Variants in EMP2 observed in about 807,000 individuals in gnomAD.
EMP2 encodes the protein epithelial membrane protein 2.
EMP2 carries 19 observed loss-of-function variants against 13.7 expected under a neutral mutation model. The ratio of observed to expected loss-of-function variants is 1.38; its 90% CI spans 0.97 to 2.03. The LOEUF (loss-of-function observed/expected upper bound fraction) is 2.03, where lower values mean the gene tolerates loss of function less well. EMP2 is among the 30% of genes most tolerant of loss of function. The pLI is 0.00. For missense variants in EMP2, 253 were observed against 220.7 expected, an observed-to-expected ratio of 1.15 and a Z score of -0.93; for synonymous variants, 97 against 84.7, an observed-to-expected ratio of 1.15 and a Z score of -0.80.
chr16:10,538,113 G>A, intron 3 of EMP2, 39 bp from the exon 4 acceptor site: 1 of 1,607,058 alleles, frequency 6.2e-7, no homozygotes, highest in Non-Finnish European at 8.5e-7. Context: ...TGAGGACCTT[G>A]GCCAGCCGGC....
intron 1 of EMP2, among the ~76,000 whole-genome samples, chr16:10,554,037 T>TTC (rs201790364): frequency 0.069 from 10,187 of 148,316 alleles, 416 homozygotes; most frequent in African/African-American, 0.11. Context: ...CTTTCTTTCT[T>TTC]TTTTTTTTTT....
chr16:10,567,260 A>C (rs2050912516), intron 1 of EMP2, among the ~76,000 whole-genome samples: 1 of 152,204 alleles, frequency 6.6e-6, no homozygotes, highest in Admixed American at 6.5e-5. Flanking sequence ...GCAGATATTA[A>C]GTCATTATCA....
intron 1 of EMP2, among the ~76,000 whole-genome samples, chr16:10,568,537 C>G (rs1387371675): frequency 6.6e-6 from 1 of 152,172 alleles, no homozygotes; most frequent in Non-Finnish European, 1.5e-5. Flanking sequence ...TCCTGTCCCA[C>G]TAACACACCA....
intron 1 of EMP2, among the ~76,000 whole-genome samples, chr16:10,574,218 G>A (rs1338332521): frequency 3.3e-5 from 5 of 152,164 alleles, no homozygotes; most frequent in South Asian, 4.2e-4. Context: ...GATTAGAGGC[G>A]TGAGCTACTG....
intron 3 of EMP2, 104 bp downstream of exon 3, chr16:10,543,466 G>A (rs569590845): frequency 5.4e-6 from 7 of 1,302,806 alleles, no homozygotes; most frequent in African/African-American, 1.5e-5. Context: ...GGAGTATGCA[G>A]TGAGTGGAGG....
At chr16:10,540,543 T>TAAATAAATAAATAAA (rs2050687812) in intron 3 of EMP2, among the ~76,000 whole-genome samples, 1 of 151,876 alleles carries the variant, frequency 6.6e-6, no homozygotes, top group South Asian at 2.1e-4. Context: ...AATAAATAGA[T>TAAATAAATAAATAAA]TTCTCTAAGG....
chr16:10,532,758 C>CTTTTTCTTTTTTTTTTTTTTTTTTTTTT lies in EMP2; in HGVS notation c.*146_*147insAAAAAAAAAAAAAAAAAAAAAAGAAAAA, dbSNP rs1567199104. 11 of 182,528 alleles carry CTTTTTCTTTTTTTTTTTTTTTTTTTTTT rather than the reference C, an allele frequency of 6.0e-5. 2 individuals carry two copies. Among genetic ancestry groups the CTTTTTCTTTTTTTTTTTTTTTTTTTTTT allele is most frequent in the African/African-American group, 2.1e-4 (5 of 23,710 alleles). 11.3% of individuals were successfully genotyped at this position (182,528 alleles called of 1,614,324 possible). A position where few individuals can be genotyped will look rare whatever the true frequency, so the allele number is the denominator to read the frequency against. On this transcript the variant is annotated 3_prime_UTR_variant, in exon 5 of 5. Coordinates refer to ENST00000359543, the MANE Select transcript of EMP2 (RefSeq NM_001424.6). ...CTTTTGGATTTTTTTTTTCTTTTTT[C>CTTTTTCTTTTTTTTTTTTTTTTTTTTTT]TTTTTTTTTTTTTTTTTTTTTTTTT...
intron 4 of EMP2, among the ~76,000 whole-genome samples, chr16:10,533,901 G>A (rs2050627878): frequency 6.6e-6 from 1 of 152,026 alleles, no homozygotes; most frequent in African/African-American, 2.4e-5. Flanking sequence ...GTCACCTGAG[G>A]TCAGTAGTTC....
At chr16:10,578,942 C>G (rs1486099961) in intron 1 of EMP2, among the ~76,000 whole-genome samples, 1 of 152,268 alleles carries the variant, frequency 6.6e-6, no homozygotes, top group Non-Finnish European at 1.5e-5. Context: ...TCCCTGCAAA[C>G]CAGCAGGGCA....
intron 1 of EMP2, among the ~76,000 whole-genome samples, chr16:10,575,154 A>C (rs1208890931): frequency 6.7e-6 from 1 of 149,232 alleles, no homozygotes; most frequent in Non-Finnish European, 1.5e-5. Context: ...CCAACACTAC[A>C]GGCTTAAGGA....
chr16:10,560,940 A>G (rs1444908825), intron 1 of EMP2, among the ~76,000 whole-genome samples: 2 of 152,204 alleles, frequency 1.3e-5, no homozygotes, highest in Admixed American at 6.5e-5. Flanking sequence ...CCTGGAGGCC[A>G]AGGGGGCTGG....
At chr16:10,552,411 G>A (rs2050795192) in intron 1 of EMP2, among the ~76,000 whole-genome samples, 1 of 152,136 alleles carries the variant, frequency 6.6e-6, no homozygotes, top group Non-Finnish European at 1.5e-5. Context: ...CATGATTTTG[G>A]ACAGTGCATT....
At chr16:10,533,158 G>A (rs1405469452) in intron 4 of EMP2, 66 bp from the exon 5 acceptor site, 3 of 1,289,902 alleles carry the variant, frequency 2.3e-6, no homozygotes, top group African/African-American at 3.0e-5. Context: ...TAGCCCAGGG[G>A]CATACGGCCA....
intron 4 of EMP2, 137 bp downstream of exon 4, chr16:10,537,791 C>T: frequency 9.3e-7 from 1 of 1,077,630 alleles, no homozygotes; most frequent in Non-Finnish European, 1.4e-6. Flanking sequence ...CGCAAACACA[C>T]ACCGGCACAC....
chr16:10,568,979 G>A (rs1229543841), intron 1 of EMP2, among the ~76,000 whole-genome samples: 1 of 151,900 alleles, frequency 6.6e-6, no homozygotes, highest in Admixed American at 6.6e-5. Flanking sequence ...GTAGAGATGG[G>A]GTTTCGCCAT....
At chr16:10,542,994 C>T (rs979768572) in intron 3 of EMP2, among the ~76,000 whole-genome samples, 1 of 152,142 alleles carries the variant, frequency 6.6e-6, no homozygotes, top group African/African-American at 2.4e-5. Context: ...TACAGGCGTG[C>T]ACCACCACGC....
chr16:10,576,159 T>C (rs2050982915), intron 1 of EMP2, among the ~76,000 whole-genome samples: 1 of 152,120 alleles, frequency 6.6e-6, no homozygotes, highest in Non-Finnish European at 1.5e-5. Context: ...GTTTGTGTGC[T>C]ACTTACATTT....
chr16:10,567,547 A>T (rs879513176), intron 1 of EMP2, among the ~76,000 whole-genome samples: 6 of 152,180 alleles, frequency 3.9e-5, no homozygotes, highest in Admixed American at 6.5e-5. Context: ...TGAGCCAGGC[A>T]TTCGTTCCAC....
intron 1 of EMP2, among the ~76,000 whole-genome samples, chr16:10,550,352 A>G (rs778373415): frequency 8.5e-5 from 13 of 152,098 alleles, no homozygotes; most frequent in Non-Finnish European, 1.9e-4. Flanking sequence ...AAGCTGATAC[A>G]CTGCATTTTC....
Sources: gnomAD v4.1 joint callset for allele counts (sites outside exome capture counted in the v4.1 genomes callset) on GRCh38, gnomAD v4.1.1 for gene constraint, MANE v1.5 for transcripts, NCBI Gene and HGNC (gene_info 2026-07-23, HGNC 2026-07-21) for gene names.